The following ZNF843 variants were observed in gnomAD, a reference collection of about 807,000 sequenced individuals.
ZNF843 encodes the protein zinc finger protein 843.
For missense variants in ZNF843, 482 were observed against 469.4 expected (o/e 1.03, Z -0.25); for synonymous variants, 185 against 207.7 (o/e 0.89, Z 0.94).
chr16:31,436,890 C>CGGG lies in ZNF843; in HGVS notation c.-44_-42dup, dbSNP rs1339819489. On this transcript the variant is annotated 5_prime_UTR_variant, in exon 2 of 2. Coordinates refer to ENST00000315678, the MANE Select transcript of ZNF843 (RefSeq NM_001136509.3). Reference sequence around the variant, plus strand: ...GATGACCGCTCAGGGAGTAACTGTACGGGAGGCTTTGCCGCACTTGGCGCA... The same window carrying CGGG: ...GATGACCGCTCAGGGAGTAACTGTACGGGGGGAGGCTTTGCCGCACTTGGCGCA... 2.1e-6 allele frequency: 3 copies of CGGG among 1,463,026 alleles called. No individual in the cohort carries two copies. Among genetic ancestry groups the CGGG allele is most frequent in the Non-Finnish European group, 1.8e-6 (2 of 1,100,462 alleles). 90.6% of individuals were successfully genotyped at this position (1,463,026 alleles called of 1,614,324 possible).
chr16:31,440,260 A>G (rs566604373), intron 1 of ZNF843, among the ~76,000 whole-genome samples: 38 of 152,208 alleles, frequency 2.5e-4, no homozygotes, highest in Non-Finnish European at 5.1e-4. Context: ...ACAATTTTGA[A>G]ATAGACACAC....
At position 31,435,781 on chromosome 16, in the gene ZNF843, A is replaced by AG. The variant is rs950911767; in HGVS notation, c.*21dup. On this transcript the variant is annotated 3_prime_UTR_variant, in exon 2 of 2. Coordinates refer to ENST00000315678, the MANE Select transcript of ZNF843 (RefSeq NM_001136509.3). ...ACCGGCGGCTGCAACAATTCCACCC[A>AG]GGGCTGCAGCACGCTGGTTCTTCAG... is the stretch of plus-strand genomic sequence containing the variant. 6.9e-7 allele frequency: 1 copy of AG among 1,442,946 alleles called. No homozygotes were observed. Among genetic ancestry groups the AG allele is most frequent in the African/African-American group, 1.4e-5 (1 of 69,254 alleles). 89.4% of individuals were successfully genotyped at this position (1,442,946 alleles called of 1,614,324 possible).
At chr16:31,442,851 T>A (rs1214908655), upstream of ZNF843, 3 of 151,996 alleles carry the variant, frequency 2.0e-5, no homozygotes, top group Non-Finnish European at 4.4e-5. Context: ...GCTGGAGGCG[T>A]CCTGGCCCGG....
chr16:31,436,087 G>T lies in ZNF843; in HGVS notation c.763C>A (p.Pro255Thr). ...LGGLEVAQVP[P>T]ATQPAAQQEG... ...TGCTGAGCTGCCGGCTGGGTGGCTG[G>T]CGGAACCTGGGCAACTTCCAGGCCT... The change falls in exon 2 of 2, where the codon CCA (proline) becomes ACA (threonine). Residue 255 changes from proline to threonine, a missense_variant. Coordinates refer to ENST00000315678, the MANE Select transcript of ZNF843 (RefSeq NM_001136509.3). 6.5e-7 allele frequency: 1 copy of T among 1,550,216 alleles called. No homozygotes were observed. Among genetic ancestry groups the T allele is most frequent in the Non-Finnish European group, 8.7e-7 (1 of 1,146,454 alleles).
chr16:31,442,382 G>T (rs1423736372), intron 1 of ZNF843, among the ~76,000 whole-genome samples: 1 of 152,104 alleles, frequency 6.6e-6, no homozygotes, highest in African/African-American at 2.4e-5. Flanking sequence ...GTGCAGTGGC[G>T]AGATCTCGGC....
chr16:31,436,630 G>A lies in ZNF843; in HGVS notation c.220C>T (p.Pro74Ser). The change falls in exon 2 of 2, where the codon CCG (proline) becomes TCG (serine). Residue 74 changes from proline (P) to serine (S), a missense_variant. Physicochemically the swap from Pro to Ser is moderately conservative, Grantham distance 74. Transcript: ENST00000315678. Reference protein sequence around the residue: ...LSPVRQDLLWPLQPHQAPASP... With the variant: ...LSPVRQDLLWSLQPHQAPASP... The stretch of plus-strand genomic sequence containing the variant: ...GCTGGTGCTTGATGAGGTTGGAGCG[G>A]CCACAGCAGGTCTTGCCGCACTGGG... 1 of 1,551,584 alleles carries A rather than the reference G, an allele frequency of 6.4e-7. No individual in the cohort carries two copies. Among genetic ancestry groups the A allele is most frequent in the Non-Finnish European group, 8.7e-7 (1 of 1,146,972 alleles).
At chr16:31,437,263 G>C (rs981757079) in intron 1 of ZNF843, 79 bp from the exon 2 acceptor site, 13 of 153,010 alleles carry the variant, frequency 8.5e-5, no homozygotes, top group Admixed American at 1.4e-4. Context: ...TGTAATCAAT[G>C]CTTCTTTATT....
chr16:31,436,876 A>G lies in ZNF843; in HGVS notation c.-27T>C. 6.7e-7 allele frequency: 1 copy of G among 1,495,496 alleles called. No homozygotes were observed. The highest frequency in any genetic ancestry group is 8.9e-7 in the Non-Finnish European group (1 of 1,117,640). 92.6% of individuals were successfully genotyped at this position (1,495,496 alleles called of 1,614,324 possible). A position where few individuals can be genotyped will look rare whatever the true frequency, so the allele number is the denominator to read the frequency against. On this transcript the variant is annotated 5_prime_UTR_variant, in exon 2 of 2. Transcript: ENST00000315678. Reference sequence around the variant, plus strand: ...AGCAGGGCTTCGGAGATGACCGCTCAGGGAGTAACTGTACGGGAGGCTTTG... The same window carrying G: ...AGCAGGGCTTCGGAGATGACCGCTCGGGGAGTAACTGTACGGGAGGCTTTG...
In ZNF843 at chr16:31,436,928, C is replaced by G; in HGVS notation, c.-79G>C. On this transcript the variant is annotated 5_prime_UTR_variant, in exon 2 of 2. Coordinates refer to ENST00000315678, the MANE Select transcript of ZNF843 (RefSeq NM_001136509.3). ...CGCACTTGGCGCAGCTGTGGGGCCT[C>G]TGCCGCACTCAGGCTTCCCGTGGCC... 7.4e-7 allele frequency: 1 copy of G among 1,344,642 alleles called. No homozygotes were observed. Among genetic ancestry groups the G allele is most frequent in the South Asian group, 1.5e-5 (1 of 65,270 alleles). The allele number at this position is 1,344,642 out of a possible 1,614,324, so 83.3% of individuals were successfully genotyped here.
Position 31,437,099 on chromosome 16 carries a change from TC to T in ZNF843, c.-251del. The T allele has an allele frequency of 4.2e-6, 2 of 480,392 alleles. No homozygotes were observed. The highest frequency in any genetic ancestry group is 7.0e-5 in the South Asian group (2 of 28,396). 29.8% of individuals were successfully genotyped at this position (480,392 alleles called of 1,614,324 possible). A position where few individuals can be genotyped will look rare whatever the true frequency, so the allele number is the denominator to read the frequency against. ...TCCCTGGGTGTTCCCCATCACTAAG[TC>T]CATCCTCTTGGATACGCTGGTCCTC... is the stretch of plus-strand genomic sequence containing the variant. On this transcript the variant is annotated 5_prime_UTR_variant, in exon 2 of 2. The change abolishes the stop of an existing upstream ORF in the 5' untranslated region. Coordinates refer to ENST00000315678, the MANE Select transcript of ZNF843 (RefSeq NM_001136509.3).
In ZNF843 at chr16:31,436,487, T is replaced by A; in HGVS notation, c.363A>T (p.Val121=). Residue 121 remains valine (V), a synonymous_variant, in exon 2 of 2, where the codon GTA becomes GTT. Transcript: ENST00000315678. ...CCACCGGTCCCCAAAAACCTGCTGG[T>A]ACTGGGGACAGACGCAGGGCTTCGG... The part of the protein sequence containing the change: ...TLAEALRLSP[V]PAGFWGPVEA... The A allele has an allele frequency of 6.4e-7, 1 of 1,551,660 alleles. No homozygotes were observed. The highest frequency in any genetic ancestry group is 8.7e-7 in the Non-Finnish European group (1 of 1,146,966).
chr16:31,442,027 G>A (rs943204581), intron 1 of ZNF843, among the ~76,000 whole-genome samples: 5 of 152,244 alleles, frequency 3.3e-5, no homozygotes, highest in Non-Finnish European at 7.3e-5. Context: ...CGGGACGGGG[G>A]AGGCGGCTGA....
In ZNF843 at chr16:31,435,829, G is replaced by C. The variant is rs377712802; in HGVS notation, c.1021C>G (p.Arg341Gly). 6.8e-7 allele frequency: 1 copy of C among 1,464,786 alleles called. No individual in the cohort carries two copies. The highest frequency in any genetic ancestry group is 9.1e-7 in the Non-Finnish European group (1 of 1,103,774). The allele number at this position is 1,464,786 out of a possible 1,614,324, so 90.7% of individuals were successfully genotyped here. ...CAGTGTCGGGCCAGGTTGGACCTCC[G>C]GCTGGAGGCCTTCCACACCGGAAAC... is the stretch of plus-strand genomic sequence containing the variant. ...PVFPVWKASS[R>G]RSNLARH Residue 341 changes from arginine (R) to glycine (G), a missense_variant, in exon 2 of 2, where the codon CGG becomes GGG. Transcript: ENST00000315678.
intron 1 of ZNF843, among the ~76,000 whole-genome samples, chr16:31,441,995 G>T (rs375909912): frequency 6.6e-5 from 10 of 152,346 alleles, no homozygotes; most frequent in African/African-American, 2.4e-4. Flanking sequence ...TGCAGTTAAG[G>T]ACAGAACCCA....
At chr16:31,440,226 T>C (rs1183870128) in intron 1 of ZNF843, among the ~76,000 whole-genome samples, 1 of 152,238 alleles carries the variant, frequency 6.6e-6, no homozygotes. Flanking sequence ...TCTGAACTAC[T>C]ATGCCACAAT....
In ZNF843 at chr16:31,437,166, C is replaced by G. The variant is rs186531308; in HGVS notation, c.-317G>C. ...TCCTGCGGAAGGAAAGATTTCAGAT[C>G]CCAGAGCCATCATTCTCTCTAGAGG... On this transcript the variant is annotated 5_prime_UTR_variant, in exon 2 of 2. Transcript: ENST00000315678. The G allele has an allele frequency of 1.3e-5, 4 of 301,912 alleles. No homozygotes were observed. Among genetic ancestry groups the G allele is most frequent in the Middle Eastern group, 1.0e-3 (1 of 972 alleles). The allele number at this position is 301,912 out of a possible 1,614,324, so 18.7% of individuals were successfully genotyped here. A position where few individuals can be genotyped will look rare whatever the true frequency, so the allele number is the denominator to read the frequency against.
intron 1 of ZNF843, among the ~76,000 whole-genome samples, chr16:31,437,791 AT>A (rs967617640): frequency 2.0e-5 from 3 of 149,690 alleles, no homozygotes; most frequent in East Asian, 3.9e-4. Context: ...TTGCCGGCTA[AT>A]TTTTTTTTGT....
In ZNF843 at chr16:31,436,222, G is replaced by A; in HGVS notation, c.628C>T (p.Pro210Ser). The A allele has an allele frequency of 1.3e-6, 2 of 1,539,566 alleles. No homozygotes were observed. The highest frequency in any genetic ancestry group is 1.8e-6 in the Non-Finnish European group (2 of 1,140,794). The change falls in exon 2 of 2, where the codon CCC (proline) becomes TCC (serine). Residue 210 changes from proline (P) to serine (S), a missense_variant. Physicochemically the swap from Pro to Ser is moderately conservative, Grantham distance 74. Transcript: ENST00000315678. ...GSPGSFLQHL[P>S]PSTLLPRPPF... ...GGTCGGGGCAGGAGTGTGGATGGGG[G>A]CAGATGTTGAAGGAAGGACCCGGGG... is the stretch of plus-strand genomic sequence containing the variant.
In ZNF843 at chr16:31,435,920, C is replaced by T. The variant is rs1280780723; in HGVS notation, c.930G>A (p.Arg310=). 99 of 1,544,178 alleles carry T rather than the reference C, an allele frequency of 6.4e-5. No homozygotes were observed. The highest frequency in any genetic ancestry group is 8.6e-5 in the Non-Finnish European group (98 of 1,143,514). Residue 310 remains arginine, a synonymous_variant, in exon 2 of 2, where the codon AGG becomes AGA. Coordinates refer to ENST00000315678, the MANE Select transcript of ZNF843 (RefSeq NM_001136509.3). ...AAGPLGEARA[R]LQRQCRAPPP... ...GAGGAGCTCGGCACTGTCGCTGAAG[C>T]CTGGCCCTGGCCTCGCCGAGCGGTC...
Sources: gnomAD v4.1 joint callset for allele counts (sites outside exome capture counted in the v4.1 genomes callset) on GRCh38, gnomAD v4.1.1 for gene constraint, MANE v1.5 for transcripts, NCBI Gene and HGNC (gene_info 2026-07-23, HGNC 2026-07-21) for gene names.